GAS7: variants seen among roughly 807,000 people sequenced by gnomAD.
GAS7 encodes growth arrest-specific protein 7.
Under a neutral mutation model 71.1 loss-of-function variants are expected in GAS7, and 28 were observed. That is an observed-to-expected ratio of 0.39 (90% CI 0.29 to 0.54). The LOEUF (loss-of-function observed/expected upper bound fraction) is 0.54. Ranked by LOEUF, GAS7 falls within the 20% of genes least tolerant of loss-of-function variation. The pLI, the probability that GAS7 is intolerant of heterozygous loss-of-function variation, is 0.62. For missense variants in GAS7, 436 were observed against 627.8 expected (o/e 0.69, Z 3.27); for synonymous variants, 258 against 245.8 (o/e 1.05, Z -0.46).
chr17:10,131,685 A>G (rs984876597), intron 1 of GAS7, among the ~76,000 whole-genome samples: 2 of 152,244 alleles, frequency 1.3e-5, no homozygotes, highest in Admixed American at 6.5e-5. Flanking sequence ...GTATGAATAC[A>G]TGTACTCATG....
intron 1 of GAS7, among the ~76,000 whole-genome samples, chr17:10,139,250 T>C (rs1376287697): frequency 6.6e-6 from 1 of 152,196 alleles, no homozygotes; most frequent in Non-Finnish European, 1.5e-5. Context: ...TTTTAAAACA[T>C]AACTAAATTT....
chr17:9,943,075 G>A, intron 7 of GAS7, 46 bp downstream of exon 7: 8 of 1,280,576 alleles, frequency 6.2e-6, no homozygotes, highest in Non-Finnish European at 9.1e-6. Flanking sequence ...GGGCCCCGGG[G>A]AACACTGGTG....
rs1442820700 is a variant in GAS7, at chr17:9,926,308, C to T, written c.1014+333G>A. ...ACGACTCAGCCAGGTGAGGCTTAAA[C>T]ACGGGGCCCCACGTGAACCAGCAGC... is the stretch of plus-strand genomic sequence containing the variant. On this transcript the variant is annotated intron_variant, in intron 10 of 13. Transcript: ENST00000432992. This position sits in a 1 kb window ranked among gnomAD's most constrained non-coding sequence, Gnocchi z 5.0. 6.6e-6 allele frequency among the ~76,000 whole-genome samples: 1 copy of T among 152,136 alleles called. No individual in the cohort carries two copies. The highest frequency in any genetic ancestry group is 1.5e-5 in the Non-Finnish European group (1 of 68,012).
intron 1 of GAS7, among the ~76,000 whole-genome samples, chr17:10,025,360 G>A (rs2152213525): frequency 6.6e-6 from 1 of 151,848 alleles, no homozygotes; most frequent in East Asian, 1.9e-4. Flanking sequence ...TTTCCTCACT[G>A]AGACCACCTG....
In GAS7 at chr17:9,911,219, C is replaced by G; in HGVS notation, c.*6009G>C. ...GGTGATGCTGGAAGGGAAGCGCCCC[C>G]ACTTGACAGATGAGTGCACGGAGGT... is the stretch of plus-strand genomic sequence containing the variant. On this transcript the variant is annotated 3_prime_UTR_variant, in exon 14 of 14. Coordinates refer to ENST00000432992, the MANE Select transcript of GAS7 (RefSeq NM_201433.2). This position sits in a 1 kb window ranked among gnomAD's most constrained non-coding sequence, Gnocchi z 4.0. 1 of 233,580 alleles carries G rather than the reference C, an allele frequency of 4.3e-6. No homozygotes were observed. Among genetic ancestry groups the G allele is most frequent in the Non-Finnish European group, 8.5e-6 (1 of 118,288 alleles). The allele number at this position is 233,580 out of a possible 1,614,324, so 14.5% of individuals were successfully genotyped here. A position where few individuals can be genotyped will look rare whatever the true frequency, so the allele number is the denominator to read the frequency against.
intron 1 of GAS7, among the ~76,000 whole-genome samples, chr17:10,158,389 G>A (rs1399063449): frequency 6.7e-6 from 1 of 149,320 alleles, no homozygotes; most frequent in Non-Finnish European, 1.5e-5. Flanking sequence ...GCTCGCATCT[G>A]TAATCCCAAC....
At chr17:9,924,530 C>CCCCT (rs912203759) in intron 11 of GAS7, 4 of 144,656 alleles carry the variant, frequency 2.8e-5, no homozygotes, top group Admixed American at 7.8e-5. Flanking sequence ...CTTCTGTGCC[C>CCCCT]CCCCTTCTCT....
rs1307059882 is a variant in GAS7, at chr17:9,913,171, C to T, written c.*4057G>A. On this transcript the variant is annotated 3_prime_UTR_variant, in exon 14 of 14. Transcript: ENST00000432992. Reference sequence around the variant, plus strand: ...CCAAAGGGTGAATTTTACTGGATGTCAATCATACCTCAATAAACCTGGGAA... The same window carrying T: ...CCAAAGGGTGAATTTTACTGGATGTTAATCATACCTCAATAAACCTGGGAA... 1.3e-5 allele frequency: 3 copies of T among 232,216 alleles called. No homozygotes were observed. The highest frequency in any genetic ancestry group is 6.6e-5 in the African/African-American group (3 of 45,278). The allele number at this position is 232,216 out of a possible 1,614,324, so 14.4% of individuals were successfully genotyped here. A position where few individuals can be genotyped will look rare whatever the true frequency, so the allele number is the denominator to read the frequency against.
chr17:10,005,042 C>CATATATATATATATATATATATATATAT (rs370673273), intron 2 of GAS7, among the ~76,000 whole-genome samples: 8 of 144,852 alleles, frequency 5.5e-5, no homozygotes, highest in Admixed American at 2.7e-4. Flanking sequence ...TATATACATA[C>CATATATATATATATATATATATATATAT]ATATATATAC....
At chr17:10,160,418 C>T (rs989898410) in intron 1 of GAS7, among the ~76,000 whole-genome samples, 1 of 152,096 alleles carries the variant, frequency 6.6e-6, no homozygotes, top group African/African-American at 2.4e-5. Flanking sequence ...GAGCTAAAAG[C>T]GACTTCGAAG....
chr17:10,107,903 T>C (rs1335132308), intron 1 of GAS7, among the ~76,000 whole-genome samples: 1 of 150,578 alleles, frequency 6.6e-6, no homozygotes, highest in Non-Finnish European at 1.5e-5. Context: ...CCTTACACAG[T>C]CCAGTGGTGG....
chr17:10,118,947 A>T (rs1423879338), intron 1 of GAS7, among the ~76,000 whole-genome samples: 1 of 152,130 alleles, frequency 6.6e-6, no homozygotes, highest in Admixed American at 6.5e-5. Context: ...GTCCCCAGGG[A>T]CAGATGGCAC....
At chr17:9,952,473 C>A (rs1327644647) in intron 5 of GAS7, among the ~76,000 whole-genome samples, 1 of 152,116 alleles carries the variant, frequency 6.6e-6, no homozygotes, top group African/African-American at 2.4e-5. Context: ...CTCACTGCAA[C>A]CTCCACCTCC....
intron 6 of GAS7, among the ~76,000 whole-genome samples, chr17:9,946,421 C>G (rs1050634832): frequency 5.9e-5 from 9 of 152,170 alleles, no homozygotes; most frequent in Non-Finnish European, 1.3e-4. Flanking sequence ...GCTAAGTGAT[C>G]TGCAAACGTT....
In GAS7 at chr17:9,915,720, C is replaced by T. The variant is rs1241569817; in HGVS notation, c.*1508G>A. The T allele has an allele frequency of 4.3e-6, 1 of 230,226 alleles. No individual in the cohort carries two copies. The highest frequency in any genetic ancestry group is 5.7e-5 in the Admixed American group (1 of 17,672). The allele number at this position is 230,226 out of a possible 1,614,324, so 14.3% of individuals were successfully genotyped here. A position where few individuals can be genotyped will look rare whatever the true frequency, so the allele number is the denominator to read the frequency against. On this transcript the variant is annotated 3_prime_UTR_variant, in exon 14 of 14. Transcript: ENST00000432992. The stretch of plus-strand genomic sequence containing the variant: ...GAATTCTGCCCTCACTGCAGATGTG[C>T]AGGTCAAACCCAAAGTGGTCAATGG...
At chr17:10,121,663 T>C (rs186407226) in intron 1 of GAS7, among the ~76,000 whole-genome samples, 67 of 152,288 alleles carry the variant, frequency 4.4e-4, no homozygotes, top group African/African-American at 1.6e-3. Context: ...GACAGATCTG[T>C]TTTTAAAAAT....
chr17:9,965,401 C>T (rs1465825950), intron 4 of GAS7, among the ~76,000 whole-genome samples: 1 of 152,164 alleles, frequency 6.6e-6, no homozygotes, highest in African/African-American at 2.4e-5. Context: ...TCATTCTCAG[C>T]AAACACAGGA....
chr17:10,031,406 G>A (rs2072613718), intron 1 of GAS7, among the ~76,000 whole-genome samples: 1 of 152,200 alleles, frequency 6.6e-6, no homozygotes, highest in Admixed American at 6.5e-5. Context: ...AACTTGCCAA[G>A]CTGGAAATAT....
chr17:10,144,938 T>C (rs2074110320), intron 1 of GAS7, among the ~76,000 whole-genome samples: 2 of 152,240 alleles, frequency 1.3e-5, no homozygotes, highest in South Asian at 4.1e-4. Context: ...CAATAGTTCC[T>C]GCCCGTCTCT....
Sources: gnomAD v4.1 joint callset for allele counts (sites outside exome capture counted in the v4.1 genomes callset) on GRCh38, gnomAD v4.1.1 for gene constraint, Gnocchi (gnomAD v3.1) non-coding constraint, MANE v1.5 for transcripts, NCBI Gene and HGNC (gene_info 2026-07-23, HGNC 2026-07-21) for gene names.